DOCK2: variants seen among roughly 807,000 people sequenced by gnomAD.
The protein encoded by DOCK2 is dedicator of cytokinesis protein 2.
DOCK2 carries 87 observed loss-of-function variants against 248.9 expected under a neutral mutation model. The observed-to-expected ratio is 0.35, with a 90% CI of 0.29 to 0.42. DOCK2 has a LOEUF of 0.42. Among genes scored for constraint, DOCK2 ranks in the 10% least tolerant of loss-of-function variants. The pLI, the probability that DOCK2 is intolerant of heterozygous loss-of-function variation, is 1.00. For missense variants in DOCK2, 1,747 were observed against 2,300.2 expected (o/e 0.76, Z 4.92); for synonymous variants, 805 against 821.6 (o/e 0.98, Z 0.35).
Position 169,696,189 on chromosome 5 carries a change from G to A in DOCK2, c.979+251G>A, listed in dbSNP as rs368818283. 1.3e-4 allele frequency among the ~76,000 whole-genome samples: 20 copies of A among 152,296 alleles called. No homozygotes were observed. The South Asian group carries it at 2.7e-3, about 21-fold the overall frequency. ...AGTAGAGCATCGGGAGACCGGGGCC[G>A]TCTGAGCAGTTGACACCTTTGCTCC... On this transcript the variant is annotated intron_variant, in intron 10 of 51. Coordinates refer to ENST00000520908, the MANE Select transcript of DOCK2 (RefSeq NM_004946.3).
Position 170,079,156 on chromosome 5 carries a change from T to C in DOCK2, c.5166+10T>C. ...GTCGGACCTGAAGCGGGTGAGTGGC[T>C]GAGGCAGATTGCCTCTCCAGCGCTG... On this transcript the variant is annotated intron_variant, in intron 49 of 51. Transcript: ENST00000520908. 1 of 1,612,030 alleles carries C rather than the reference T, an allele frequency of 6.2e-7. No individual in the cohort carries two copies. The highest frequency in any genetic ancestry group is 8.5e-7 in the Non-Finnish European group (1 of 1,179,466).
intron 27 of DOCK2, among the ~76,000 whole-genome samples, chr5:169,948,944 T>TA (rs35687706): frequency 0.051 from 7,712 of 152,218 alleles, 269 homozygotes; most frequent in South Asian, 0.16. Flanking sequence ...TTTGTGAAAT[T>TA]ATCAAATTAC....
intron 25 of DOCK2, among the ~76,000 whole-genome samples, chr5:169,796,775 G>T (rs889587834): frequency 6.6e-6 from 1 of 152,216 alleles, no homozygotes; most frequent in Non-Finnish European, 1.5e-5. Context: ...GGAGAAGATG[G>T]CTGGGACAAG....
intron 26 of DOCK2, among the ~76,000 whole-genome samples, chr5:169,838,570 G>A (rs1181753595): frequency 2.0e-5 from 3 of 152,160 alleles, no homozygotes; most frequent in Middle Eastern, 3.2e-3. Context: ...AGGAAATCAG[G>A]AGAGAGGTTC....
chr5:170,050,531 G>A (rs1756877615), intron 41 of DOCK2, 134 bp downstream of exon 41: 9 of 1,055,218 alleles, frequency 8.5e-6, no homozygotes, highest in Non-Finnish European at 1.2e-5. Flanking sequence ...GCAGGAACAT[G>A]CAACATGTTC....
At chr5:169,738,983 C>G (rs559014313) in intron 22 of DOCK2, among the ~76,000 whole-genome samples, 2 of 152,206 alleles carry the variant, frequency 1.3e-5, no homozygotes, top group Non-Finnish European at 2.9e-5. Context: ...GTTTGATCTC[C>G]ACATTCCTTG....
At position 169,883,140 on chromosome 5, in the gene DOCK2, T is replaced by C; in HGVS notation, c.2799+42288T>C. On this transcript the variant is annotated intron_variant, in intron 27 of 51. Coordinates refer to ENST00000520908, the MANE Select transcript of DOCK2 (RefSeq NM_004946.3). The stretch of plus-strand genomic sequence containing the variant: ...TGGCATTTAAGCAGGAGGTGGATTT[T>C]TCTGAATCTAGTGGAGTCACCCTTC... The C allele has an allele frequency of 1.9e-6, 3 of 1,551,644 alleles. 1 individual carries two copies. In the South Asian group the frequency reaches 3.6e-5, roughly 18 times the overall value.
At chr5:169,672,701 G>A (rs1195066692) in intron 5 of DOCK2, among the ~76,000 whole-genome samples, 1 of 152,094 alleles carries the variant, frequency 6.6e-6, no homozygotes, top group South Asian at 2.1e-4. Flanking sequence ...GATGCCAGTC[G>A]CAAGTCCTGG....
In DOCK2 at chr5:169,864,247, G is replaced by A. The variant is rs1198405187; in HGVS notation, c.2799+23395G>A. The A allele has an allele frequency of 2.6e-6, 4 of 1,544,154 alleles. No individual in the cohort carries two copies. In the Admixed American group the frequency reaches 7.8e-5, roughly 30 times the overall value. On this transcript the variant is annotated intron_variant, in intron 27 of 51. Transcript: ENST00000520908. ...ATCTCAGGGAAGTGCGTGGAGTTGGGGGGCTGGGGGATGGTCCCAACCAGC... is the reference window on the plus strand; with the variant it reads ...ATCTCAGGGAAGTGCGTGGAGTTGGAGGGCTGGGGGATGGTCCCAACCAGC...
At chr5:169,932,674 C>T (rs1324593381) in intron 27 of DOCK2, among the ~76,000 whole-genome samples, 1 of 151,746 alleles carries the variant, frequency 6.6e-6, no homozygotes, top group African/African-American at 2.4e-5. Context: ...AGGAGAAAAC[C>T]CAAGGCTCTT....
intron 7 of DOCK2, among the ~76,000 whole-genome samples, chr5:169,683,770 A>T (rs1388814628): frequency 6.6e-6 from 1 of 152,014 alleles, no homozygotes; most frequent in East Asian, 1.9e-4. Flanking sequence ...ACCCATTTTA[A>T]TTGGGTTATT....
At chr5:169,894,467 C>T (rs1773476594) in intron 27 of DOCK2, among the ~76,000 whole-genome samples, 1 of 152,166 alleles carries the variant, frequency 6.6e-6, no homozygotes, top group African/African-American at 2.4e-5. Flanking sequence ...GCGCCATCCA[C>T]CCTGGTACAG....
intron 27 of DOCK2, among the ~76,000 whole-genome samples, chr5:169,876,431 G>A (rs1772337828): frequency 6.6e-6 from 1 of 152,196 alleles, no homozygotes; most frequent in South Asian, 2.1e-4. Context: ...GGACAATTCA[G>A]ACACCAGAGA....
chr5:169,776,466 G>A (rs1439774897), intron 25 of DOCK2, among the ~76,000 whole-genome samples: 3 of 152,032 alleles, frequency 2.0e-5, no homozygotes, highest in Non-Finnish European at 4.4e-5. Flanking sequence ...CACTTGGCCT[G>A]TATCATATAT....
intron 44 of DOCK2, among the ~76,000 whole-genome samples, chr5:170,058,502 T>C (rs1757215221): frequency 6.6e-6 from 1 of 152,154 alleles, no homozygotes; most frequent in Non-Finnish European, 1.5e-5. Flanking sequence ...CAGAGAATGC[T>C]TCCCTCTATA....
intron 27 of DOCK2, among the ~76,000 whole-genome samples, chr5:169,895,952 C>T (rs899410478): frequency 6.6e-6 from 1 of 152,244 alleles, no homozygotes; most frequent in East Asian, 1.9e-4. Context: ...CCGATTACCA[C>T]TACCCTTGTC....
intron 2 of DOCK2, among the ~76,000 whole-genome samples, chr5:169,656,655 C>T (rs1206249373): frequency 1.3e-5 from 2 of 152,354 alleles, no homozygotes; most frequent in East Asian, 1.9e-4. Context: ...CTCTTTCCTC[C>T]ACCCATGCCT....
intron 36 of DOCK2, 145 bp downstream of exon 36, chr5:170,036,700 T>C (rs1756335305): frequency 1.3e-6 from 1 of 770,764 alleles, no homozygotes; most frequent in African/African-American, 1.8e-5. Context: ...CCTGTCAATT[T>C]CTCCAGATTC....
chr5:169,853,244 A>C (rs1199181198), intron 27 of DOCK2, among the ~76,000 whole-genome samples: 1 of 152,170 alleles, frequency 6.6e-6, no homozygotes, highest in Non-Finnish European at 1.5e-5. Flanking sequence ...TGTTTTGTAC[A>C]TTGTCCAGTC....
Sources: allele counts gnomAD v4.1 joint callset (sites outside exome capture counted in the v4.1 genomes callset), GRCh38; gene constraint gnomAD v4.1.1; transcripts MANE v1.5; gene names NCBI Gene and HGNC (gene_info 2026-07-23, HGNC 2026-07-21).